Variants in ACOXL observed in about 807,000 individuals in gnomAD.
The protein encoded by ACOXL is acyl-CoA oxidase like.
A neutral mutation model predicts 71.9 loss-of-function variants in ACOXL; 70 were observed. The observed-to-expected ratio is 0.97, with a 90% CI of 0.80 to 1.19. The LOEUF (loss-of-function observed/expected upper bound fraction) is 1.19, where lower values mean the gene tolerates loss of function less well. Ranked by LOEUF, ACOXL falls within the 50% of genes most tolerant of loss-of-function variation. The pLI, the probability that ACOXL is intolerant of heterozygous loss-of-function variation, is 0.00. For missense variants in ACOXL, 703 were observed against 736.3 expected, an observed-to-expected ratio of 0.95 and a Z score of 0.52; for synonymous variants, 253 against 281.6, an observed-to-expected ratio of 0.90 and a Z score of 1.02.
chr2:111,114,861 A>C (rs1253892535), intron 17 of ACOXL, among the ~76,000 whole-genome samples: 2 of 151,792 alleles, frequency 1.3e-5, no homozygotes, highest in Non-Finnish European at 2.9e-5. Flanking sequence ...CTGATGTTAC[A>C]ATTTTTCCCT....
intron 9 of ACOXL, among the ~76,000 whole-genome samples, chr2:110,823,452 G>A (rs565795152): frequency 6.6e-6 from 1 of 152,222 alleles, no homozygotes; most frequent in South Asian, 2.1e-4. Context: ...GTGAACATAA[G>A]TTTTTAAAAT....
intron 1 of ACOXL, among the ~76,000 whole-genome samples, chr2:110,753,512 A>G (rs1163894803): frequency 6.6e-6 from 1 of 152,168 alleles, no homozygotes; most frequent in Non-Finnish European, 1.5e-5. Context: ...GCACAGTACA[A>G]TGTTTCCTAG....
intron 9 of ACOXL, among the ~76,000 whole-genome samples, chr2:110,827,317 G>A (rs1023966630): frequency 1.3e-5 from 2 of 152,186 alleles, no homozygotes; most frequent in Non-Finnish European, 2.9e-5. Context: ...TCATGATGAC[G>A]TCTAGGGGTG....
chr2:111,021,453 A>G (rs963721895), intron 14 of ACOXL, among the ~76,000 whole-genome samples: 1 of 152,148 alleles, frequency 6.6e-6, no homozygotes, highest in Non-Finnish European at 1.5e-5. Context: ...ATTCTAGCTC[A>G]GTTTCAAAGC....
intron 3 of ACOXL, among the ~76,000 whole-genome samples, chr2:110,787,185 A>G (rs1684067432): frequency 6.6e-6 from 1 of 151,798 alleles, no homozygotes; most frequent in African/African-American, 2.4e-5. Flanking sequence ...TTTTCTGAAA[A>G]CTCCTGAGTA....
chr2:111,017,218 G>A (rs144192335), intron 14 of ACOXL, among the ~76,000 whole-genome samples: 148 of 152,352 alleles, frequency 9.7e-4, no homozygotes, highest in African/African-American at 3.3e-3. Flanking sequence ...AAATGAGCCT[G>A]TTATTCTATT....
intron 12 of ACOXL, among the ~76,000 whole-genome samples, chr2:110,941,999 A>G (rs1052864825): frequency 1.3e-5 from 2 of 152,238 alleles, no homozygotes; most frequent in Non-Finnish European, 2.9e-5. Context: ...GGTTTATAAC[A>G]TCCATGAAAA....
intron 10 of ACOXL, among the ~76,000 whole-genome samples, chr2:110,854,473 T>TTCCC (rs72238341): frequency 0.29 from 43,265 of 151,690 alleles, 6,525 homozygotes; most frequent in Non-Finnish European, 0.33. Context: ...GCTGGGATGG[T>TTCCC]TCCCTAGGGC....
At chr2:110,996,440 A>G (rs911658236) in intron 14 of ACOXL, among the ~76,000 whole-genome samples, 3 of 152,266 alleles carry the variant, frequency 2.0e-5, no homozygotes, top group African/African-American at 7.2e-5. Flanking sequence ...CTGCAAAAGC[A>G]TAAAACCTTG....
intron 1 of ACOXL, among the ~76,000 whole-genome samples, chr2:110,752,823 C>T (rs938594393): frequency 1.3e-5 from 2 of 152,082 alleles, no homozygotes; most frequent in Non-Finnish European, 1.5e-5. Context: ...TATATATTGT[C>T]TCACGCAGTG....
chr2:110,837,259 C>T (rs1690572961), intron 9 of ACOXL, among the ~76,000 whole-genome samples: 1 of 152,146 alleles, frequency 6.6e-6, no homozygotes, highest in Non-Finnish European at 1.5e-5. Context: ...TGAGAGAGCA[C>T]ATCTTCACCA....
intron 9 of ACOXL, 53 bp downstream of exon 9, chr2:110,805,448 C>T: frequency 1.9e-6 from 3 of 1,608,734 alleles, no homozygotes; most frequent in Non-Finnish European, 2.6e-6. Flanking sequence ...TCTCACGACT[C>T]AGGGATGAGT....
intron 10 of ACOXL, among the ~76,000 whole-genome samples, chr2:110,864,524 A>G (rs72944209): frequency 0.041 from 6,201 of 152,278 alleles, 217 homozygotes; most frequent in African/African-American, 0.083. Flanking sequence ...GAGTTATGGG[A>G]TATTCAGAAG....
rs116075332 is a variant in ACOXL at position 110,879,315 on chromosome 2, G to C, written c.789-29474G>C. 9.0e-3 allele frequency among the ~76,000 whole-genome samples: 1,370 copies of C among 152,314 alleles called. 10 individuals carry two copies. Among genetic ancestry groups the C allele is most frequent in the Middle Eastern group, 0.058 (17 of 294 alleles). On this transcript the variant is annotated intron_variant, in intron 10 of 17. Coordinates refer to ENST00000439055, the MANE Select transcript of ACOXL (RefSeq NM_001142807.4). ...CACACCAGGACAGCAGCTGGACTGA[G>C]AGGCTGTCTTCAGCAACAGCTCAAG...
At chr2:111,017,101 G>A (rs564030181) in intron 14 of ACOXL, among the ~76,000 whole-genome samples, 5 of 152,320 alleles carry the variant, frequency 3.3e-5, no homozygotes, top group East Asian at 3.9e-4. Context: ...TTGACTTGGC[G>A]TAAGTGACAA....
chr2:110,800,802 G>A (rs1573577825), intron 7 of ACOXL, among the ~76,000 whole-genome samples: 1 of 152,134 alleles, frequency 6.6e-6, no homozygotes, highest in Non-Finnish European at 1.5e-5. Context: ...GGGGGTGACC[G>A]AGGCCCTGGC....
chr2:110,888,693 T>G (rs1368267547), intron 10 of ACOXL, among the ~76,000 whole-genome samples: 1 of 152,230 alleles, frequency 6.6e-6, no homozygotes, highest in African/African-American at 2.4e-5. Flanking sequence ...ATCCTTCTAC[T>G]TTCCCATTAC....
At chr2:110,997,724 G>A (rs2063459643) in intron 14 of ACOXL, among the ~76,000 whole-genome samples, 1 of 152,158 alleles carries the variant, frequency 6.6e-6, no homozygotes, top group Non-Finnish European at 1.5e-5. Context: ...AAGATTGGCG[G>A]TCCCTGTGAA....
chr2:110,876,217 C>T (rs1695875748), intron 10 of ACOXL, among the ~76,000 whole-genome samples: 1 of 152,208 alleles, frequency 6.6e-6, no homozygotes. Flanking sequence ...AATCTAGACC[C>T]AGGCAACTCC....
Sources: allele counts gnomAD v4.1 joint callset (sites outside exome capture counted in the v4.1 genomes callset), GRCh38; gene constraint gnomAD v4.1.1; transcripts MANE v1.5; gene names NCBI Gene and HGNC (gene_info 2026-07-23, HGNC 2026-07-21).